The following DCST1 variants were observed in gnomAD, a reference collection of about 807,000 sequenced individuals.
DCST1 encodes the protein DC-STAMP domain containing 1.
A neutral mutation model predicts 89.1 loss-of-function variants in DCST1; 78 were observed. The observed-to-expected ratio is 0.88, with a 90% CI of 0.73 to 1.06. The LOEUF (loss-of-function observed/expected upper bound fraction) is 1.06, where lower values mean the gene tolerates loss of function less well. Among genes scored for constraint, DCST1 ranks in the 50% least tolerant of loss-of-function variants. The pLI, the probability that DCST1 is intolerant of heterozygous loss-of-function variation, is 0.00. For missense variants in DCST1, 900 were observed against 928.6 expected (o/e 0.97, Z 0.40); for synonymous variants, 364 against 371.9 (o/e 0.98, Z 0.24).
intron 2 of DCST1, 140 bp downstream of exon 2, chr1:155,034,237 G>A (rs1660196129): frequency 4.6e-6 from 7 of 1,535,944 alleles, no homozygotes; most frequent in Non-Finnish European, 6.2e-6. Context: ...CCGCCTCCCA[G>A]CCCAGCCCTT....
At chr1:155,039,255 C>A (rs764155605) in intron 4 of DCST1, 148 bp from the exon 5 acceptor site, 1 of 897,010 alleles carries the variant, frequency 1.1e-6, no homozygotes, top group Non-Finnish European at 1.6e-6. Flanking sequence ...AGTGGCCCAG[C>A]AGGTCTATCA....
At chr1:155,037,947 C>T (rs1458688444) in intron 4 of DCST1, among the ~76,000 whole-genome samples, 3 of 152,274 alleles carry the variant, frequency 2.0e-5, no homozygotes, top group African/African-American at 7.2e-5. Flanking sequence ...CCTGTTCTAC[C>T]ATGACTGGTT....
In DCST1 at chr1:155,040,615, G is replaced by C. The variant is rs1168597593; in HGVS notation, c.522G>C (p.Lys174Asn). ...ISTAPLRAMF[K>N]DLLSSKELLR... Reference sequence around the variant, plus strand: ...CAGCCCCCTTACGGGCCATGTTCAAGGACCTGCTGGTCAGGAATCTGCACA... The same window carrying C: ...CAGCCCCCTTACGGGCCATGTTCAACGACCTGCTGGTCAGGAATCTGCACA... Residue 174 changes from lysine (K) to asparagine (N), a missense_variant, in exon 6 of 17, where the codon AAG (lysine) becomes AAC (asparagine). Lys to Asn is a moderately conservative substitution (Grantham distance 94, BLOSUM62 0). Transcript: ENST00000295542. The C allele has an allele frequency of 6.3e-7, 1 of 1,575,762 alleles. No individual in the cohort carries two copies. Among genetic ancestry groups the C allele is most frequent in the South Asian group, 1.2e-5 (1 of 86,074 alleles).
At chr1:155,036,577 C>T (rs1660283345) in intron 4 of DCST1, among the ~76,000 whole-genome samples, 1 of 152,234 alleles carries the variant, frequency 6.6e-6, no homozygotes, top group Admixed American at 6.5e-5. Flanking sequence ...TCCCTTTTTT[C>T]CTCTACTTCC....
In DCST1 at chr1:155,047,777, C is replaced by T. The variant is rs1304216765; in HGVS notation, c.1613-10C>T. ...GTCCTGACCAGACCCCTGGCCTGCC[C>T]CTCCCCTAGCCTGCCTGCCCCAGCC... On this transcript the variant is annotated splice_polypyrimidine_tract_variant and intron_variant, in intron 14 of 16. Transcript: ENST00000295542. 2 of 1,612,806 alleles carry T rather than the reference C, an allele frequency of 1.2e-6. No individual in the cohort carries two copies. The highest frequency in any genetic ancestry group is 1.7e-6 in the Non-Finnish European group (2 of 1,179,810).
At chr1:155,050,590 C>T in intron 16 of DCST1, 27 bp from the exon 17 acceptor site, 1 of 1,551,512 alleles carries the variant, frequency 6.4e-7, no homozygotes, top group South Asian at 1.2e-5. Context: ...CGCTCCCGGG[C>T]TGGCGCTAAC....
intron 10 of DCST1, 124 bp from the exon 11 acceptor site, chr1:155,045,769 A>G (rs781364598): frequency 5.0e-5 from 39 of 777,678 alleles, no homozygotes; most frequent in Non-Finnish European, 8.5e-5. Flanking sequence ...TGCCCAGGAC[A>G]TAGATGGTGC....
At chr1:155,049,450 T>C (rs1660785548) in intron 16 of DCST1, among the ~76,000 whole-genome samples, 1 of 151,398 alleles carries the variant, frequency 6.6e-6, no homozygotes, top group East Asian at 1.9e-4. Flanking sequence ...AGTCTCACTC[T>C]GTCGCCCAGG....
At position 155,033,870 on chromosome 1, in the gene DCST1, C is replaced by G; in HGVS notation, c.-66+16C>G. The G allele has an allele frequency of 6.3e-6, 8 of 1,279,286 alleles. No homozygotes were observed. The highest frequency in any genetic ancestry group is 6.5e-6 in the Non-Finnish European group (6 of 927,150). The allele number at this position is 1,279,286 out of a possible 1,614,324, so 79.2% of individuals were successfully genotyped here. Reference sequence around the variant, plus strand: ...GAGGGGATAGGTAGGTCTCTAATCTCCTTCCCCACTTCTCGGAGCAGAAGG... The same window carrying G: ...GAGGGGATAGGTAGGTCTCTAATCTGCTTCCCCACTTCTCGGAGCAGAAGG... On this transcript the variant is annotated intron_variant, in intron 1 of 16. Transcript: ENST00000295542.
At chr1:155,047,715 G>A in intron 14 of DCST1, 72 bp from the exon 15 acceptor site, 1 of 1,429,410 alleles carries the variant, frequency 7.0e-7, no homozygotes, top group Non-Finnish European at 9.7e-7. Context: ...CCACTGGGAT[G>A]GGAAGTCCAA....
At chr1:155,047,114 C>A in intron 13 of DCST1, 82 bp from the exon 14 acceptor site, 2 of 1,102,080 alleles carry the variant, frequency 1.8e-6, no homozygotes, top group Non-Finnish European at 2.8e-6. Context: ...TGTGTCTTGA[C>A]CCCTCCCTGA....
intron 10 of DCST1, chr1:155,045,392 G>A (rs1203281577): frequency 5.1e-6 from 1 of 194,926 alleles, no homozygotes; most frequent in African/African-American, 2.4e-5. Flanking sequence ...TGTATTGGGG[G>A]AGGATGGAGA....
chr1:155,046,386 C>T lies in DCST1; in HGVS notation c.1395C>T (p.Pro465=). Residue 465 remains proline, a synonymous_variant, in exon 13 of 17, where the codon CCC becomes CCT. Coordinates refer to ENST00000295542, the MANE Select transcript of DCST1 (RefSeq NM_152494.4). The stretch of plus-strand genomic sequence containing the variant: ...TGAGGGAGCTCCTGGAGACACTGCC[C>T]ATTCTGCTGCTGCTGGTGGTGCTGT... The part of the protein sequence containing the change: ...NVVRELLETL[P]ILLLLVVLCG... 6.2e-7 allele frequency: 1 copy of T among 1,614,104 alleles called. No individual in the cohort carries two copies. Among genetic ancestry groups the T allele is most frequent in the Non-Finnish European group, 8.5e-7 (1 of 1,180,014 alleles).
chr1:155,042,963 G>A (rs966895395), intron 9 of DCST1, 107 bp downstream of exon 9: 18 of 1,448,130 alleles, frequency 1.2e-5, no homozygotes, highest in Non-Finnish European at 1.6e-5. Flanking sequence ...GGAAAGAGGT[G>A]ACCAGGGGTG....
rs1475250218 is a variant in DCST1, at chr1:155,041,696, C to T, written c.749-18C>T. On this transcript the variant is annotated intron_variant, in intron 7 of 16. Coordinates refer to ENST00000295542, the MANE Select transcript of DCST1 (RefSeq NM_152494.4). Reference sequence around the variant, plus strand: ...ATCAAGATGTGGGAACCTCAGACACCCTTGCTCCTTCCTACAGATGTGGTG... The same window carrying T: ...ATCAAGATGTGGGAACCTCAGACACTCTTGCTCCTTCCTACAGATGTGGTG... 1 of 1,614,046 alleles carries T rather than the reference C, an allele frequency of 6.2e-7. No individual in the cohort carries two copies. The highest frequency in any genetic ancestry group is 8.5e-7 in the Non-Finnish European group (1 of 1,180,024).
At chr1:155,035,507 G>A (rs975007784) in intron 4 of DCST1, among the ~76,000 whole-genome samples, 5 of 152,090 alleles carry the variant, frequency 3.3e-5, no homozygotes, top group African/African-American at 1.2e-4. Context: ...AAGGACTCAG[G>A]TTCCTTCTGT....
At chr1:155,049,710 T>C (rs923084955) in intron 16 of DCST1, among the ~76,000 whole-genome samples, 4 of 152,162 alleles carry the variant, frequency 2.6e-5, no homozygotes, top group Non-Finnish European at 5.9e-5. Context: ...TTTGCTTAGC[T>C]TTTTCCCTAG....
rs777671882 is a variant in DCST1, at chr1:155,047,802, C to A, written c.1628C>A (p.Pro543His). ...CCTCCCCTAGCCTGCCTGCCCCAGCCTGTGGGCCTGGATGCCAGGGCCTAC... is the reference window on the plus strand; with the variant it reads ...CCTCCCCTAGCCTGCCTGCCCCAGCATGTGGGCCTGGATGCCAGGGCCTAC... The part of the protein sequence containing the change: ...ESNNMPCLPQ[P>H]VGLDARAYWR... The change falls in exon 15 of 17, where the codon CCT becomes CAT. Residue 543 changes from proline (P) to histidine (H), a missense_variant. Coordinates refer to ENST00000295542, the MANE Select transcript of DCST1 (RefSeq NM_152494.4). The A allele has an allele frequency of 1.2e-5, 20 of 1,614,118 alleles. No individual in the cohort carries two copies. Among genetic ancestry groups the A allele is most frequent in the Non-Finnish European group, 1.7e-5 (20 of 1,180,028 alleles).
At chr1:155,033,889 C>A in intron 1 of DCST1, 35 bp downstream of exon 1, 7 of 1,288,648 alleles carry the variant, frequency 5.4e-6, no homozygotes, top group Non-Finnish European at 6.5e-6. Flanking sequence ...CTTCTCGGAG[C>A]AGAAGGATTA....
Sources: allele counts gnomAD v4.1 joint callset (sites outside exome capture counted in the v4.1 genomes callset), GRCh38; gene constraint gnomAD v4.1.1; transcripts MANE v1.5; gene names NCBI Gene and HGNC (gene_info 2026-07-23, HGNC 2026-07-21).